DAB1: variants seen among roughly 807,000 people sequenced by gnomAD.
DAB1 encodes the protein disabled homolog 1.
DAB1 carries 15 observed loss-of-function variants against 64.6 expected under a neutral mutation model. The observed-to-expected ratio is 0.23, with a 90% CI of 0.16 to 0.36. DAB1 has a LOEUF of 0.36. Among genes scored for constraint, DAB1 ranks in the 10% least tolerant of loss-of-function variants. The pLI is 1.00. For synonymous variants in DAB1, 235 were observed against 251.9 expected (o/e 0.93, Z 0.64); for missense variants, 596 against 706.7 (o/e 0.84, Z 1.78).
chr1:57,362,421 T>A (rs1558239529), intron 1 of DAB1, among the ~76,000 whole-genome samples: 1 of 152,218 alleles, frequency 6.6e-6, no homozygotes, highest in Non-Finnish European at 1.5e-5. Context: ...TGGCACCAAC[T>A]ACAAAACACC....
At chr1:58,491,527 G>A (rs966661855) in intron 3 of DAB1, among the ~76,000 whole-genome samples, 28 of 152,200 alleles carry the variant, frequency 1.8e-4, no homozygotes, top group Admixed American at 6.5e-4. Context: ...CCCATCTCAC[G>A]TGCAGAGACA....
chr1:57,888,621 G>A (rs967959739), upstream of DAB1, among the ~76,000 whole-genome samples: 3 of 152,132 alleles, frequency 2.0e-5, no homozygotes, highest in African/African-American at 7.2e-5. Flanking sequence ...CTACCTTGAT[G>A]ACTAATTGAT....
intron 7 of DAB1, among the ~76,000 whole-genome samples, chr1:57,516,972 T>G (rs1254502432): frequency 6.6e-6 from 1 of 152,140 alleles, no homozygotes; most frequent in Non-Finnish European, 1.5e-5. Context: ...CTCAAAAAGT[T>G]CAGAGTGTTA....
At chr1:57,720,695 T>A (rs1440050478) in intron 6 of DAB1, among the ~76,000 whole-genome samples, 1 of 152,238 alleles carries the variant, frequency 6.6e-6, no homozygotes, top group Non-Finnish European at 1.5e-5. Context: ...TGTCACATGG[T>A]ACATAAATAG....
intron 10 of DAB1, among the ~76,000 whole-genome samples, chr1:57,024,835 G>A (rs549193770): frequency 5.3e-5 from 8 of 152,296 alleles, no homozygotes; most frequent in African/African-American, 1.9e-4. Context: ...TTTTAGCCCA[G>A]GATAAAGGGT....
chr1:58,225,558 A>C (rs563787840), intron 4 of DAB1, among the ~76,000 whole-genome samples: 1 of 152,224 alleles, frequency 6.6e-6, no homozygotes, highest in African/African-American at 2.4e-5. Context: ...ACTTGGAACC[A>C]ACCCAAATGT....
chr1:58,348,733 A>C (rs1644023909), intron 3 of DAB1, among the ~76,000 whole-genome samples: 1 of 152,188 alleles, frequency 6.6e-6, no homozygotes, highest in African/African-American at 2.4e-5. Flanking sequence ...CCCTACAATG[A>C]GATTTTACAC....
intron 2 of DAB1, among the ~76,000 whole-genome samples, chr1:57,238,103 AT>A (rs1281048848): frequency 6.6e-6 from 1 of 152,030 alleles, no homozygotes; most frequent in Non-Finnish European, 1.5e-5. Context: ...GAACAAGGAG[AT>A]GTGTTCCTAG....
At chr1:57,596,649 A>G (rs755652680) in intron 7 of DAB1, among the ~76,000 whole-genome samples, 1 of 152,128 alleles carries the variant, frequency 6.6e-6, no homozygotes, top group Non-Finnish European at 1.5e-5. Flanking sequence ...CCTCACCTAG[A>G]GCAAGAATTG....
chr1:57,562,463 C>A (rs1366647863), intron 7 of DAB1, among the ~76,000 whole-genome samples: 3 of 152,236 alleles, frequency 2.0e-5, no homozygotes, highest in Non-Finnish European at 4.4e-5. Context: ...CCCATCATCT[C>A]AAAGCAGTTG....
chr1:57,566,223 C>T (rs1645118566), intron 7 of DAB1, among the ~76,000 whole-genome samples: 1 of 152,128 alleles, frequency 6.6e-6, no homozygotes, highest in Non-Finnish European at 1.5e-5. Flanking sequence ...TTCTTTGAAA[C>T]CAATGAGAAC....
At chr1:57,010,403 T>C (rs1369899335) in intron 14 of DAB1, among the ~76,000 whole-genome samples, 1 of 152,058 alleles carries the variant, frequency 6.6e-6, no homozygotes, top group African/African-American at 2.4e-5. Context: ...CCAGGATATG[T>C]CAAAGGTCAT....
At chr1:58,465,481 G>T (rs1434171433) in intron 3 of DAB1, among the ~76,000 whole-genome samples, 3 of 152,218 alleles carry the variant, frequency 2.0e-5, no homozygotes, top group African/African-American at 7.2e-5. Flanking sequence ...ACCAATCACT[G>T]TAAAAAGTTC....
chr1:57,576,519 C>A (rs1436040946), intron 7 of DAB1, among the ~76,000 whole-genome samples: 2 of 152,138 alleles, frequency 1.3e-5, no homozygotes, highest in Non-Finnish European at 2.9e-5. Context: ...TTACAAGGAA[C>A]ACTAAGGATT....
In DAB1 at chr1:57,251,664, C is replaced by T. The variant is rs570743810; in HGVS notation, c.67+39300G>A. Among the ~76,000 whole-genome samples, 5 of 152,160 alleles carry T rather than the reference C, an allele frequency of 3.3e-5. No individual in the cohort carries two copies. In the South Asian group the frequency reaches 1.0e-3, roughly 32 times the overall value. ...AGGACTTTTATCAGCTCAGTTTCAA[C>T]AGAAAGCAAAGAAAAAAAAATCTTC... On this transcript the variant is annotated intron_variant, in intron 2 of 14. Transcript: ENST00000371236.
chr1:57,403,914 T>C (rs898908915), intron 1 of DAB1, among the ~76,000 whole-genome samples: 2 of 152,202 alleles, frequency 1.3e-5, no homozygotes, highest in African/African-American at 4.8e-5. Context: ...GGCTACTATA[T>C]TGTACTGTGC....
At chr1:58,222,396 G>A (rs1659222742) in intron 4 of DAB1, among the ~76,000 whole-genome samples, 1 of 152,038 alleles carries the variant, frequency 6.6e-6, no homozygotes, top group Non-Finnish European at 1.5e-5. Context: ...CCAAGCCTGG[G>A]GCTTGTTTAA....
chr1:57,959,806 G>C (rs1405025433), intron 5 of DAB1, among the ~76,000 whole-genome samples: 1 of 152,142 alleles, frequency 6.6e-6, no homozygotes, highest in East Asian at 1.9e-4. Context: ...TGGAAGCTGA[G>C]AGTTTGGCTC....
intron 4 of DAB1, among the ~76,000 whole-genome samples, chr1:58,333,277 AG>A (rs1663018282): frequency 6.6e-6 from 1 of 152,138 alleles, no homozygotes; most frequent in Non-Finnish European, 1.5e-5. Context: ...GTGGTAGGGG[AG>A]GAATCACGTG....
Sources: allele counts gnomAD v4.1 joint callset (sites outside exome capture counted in the v4.1 genomes callset), GRCh38; gene constraint gnomAD v4.1.1; transcripts MANE v1.5; gene names NCBI Gene and HGNC (gene_info 2026-07-23, HGNC 2026-07-21).